Variants in OTUD7A observed in about 807,000 individuals in gnomAD.
The protein encoded by OTUD7A is OTU domain-containing protein 7A.
A neutral mutation model predicts 65.7 loss-of-function variants in OTUD7A; 12 were observed. That is an observed-to-expected ratio of 0.18 (90% confidence interval 0.12 to 0.30). OTUD7A has a LOEUF of 0.30. OTUD7A is among the 10% of genes least tolerant of loss of function. The pLI is 1.00. For synonymous variants in OTUD7A, 641 were observed against 586.3 expected (o/e 1.09, Z -1.35); for missense variants, 1,148 against 1,304.8 (o/e 0.88, Z 1.85).
intron 1 of OTUD7A, among the ~76,000 whole-genome samples, chr15:31,856,180 G>A (rs1359258610): frequency 6.6e-6 from 1 of 152,180 alleles, no homozygotes; most frequent in Non-Finnish European, 1.5e-5. Flanking sequence ...AAAATAGCAT[G>A]TATTGTAGAC....
intron 3 of OTUD7A, among the ~76,000 whole-genome samples, chr15:31,585,639 G>C (rs1228953452): frequency 6.6e-6 from 1 of 152,190 alleles, no homozygotes; most frequent in Non-Finnish European, 1.5e-5. Context: ...TCCAGCTGGG[G>C]TGCAAGCCTC....
At chr15:31,722,627 G>T (rs1893772057) in intron 1 of OTUD7A, among the ~76,000 whole-genome samples, 1 of 152,344 alleles carries the variant, frequency 6.6e-6, no homozygotes, top group East Asian at 1.9e-4. Context: ...TGGAATGCAG[G>T]CAGGACCACT....
At chr15:31,676,760 C>T (rs1043372820) in intron 1 of OTUD7A, among the ~76,000 whole-genome samples, 1 of 152,170 alleles carries the variant, frequency 6.6e-6, no homozygotes, top group Non-Finnish European at 1.5e-5. Flanking sequence ...TTCTGAAAAA[C>T]CTGTGGGAAA....
At chr15:31,533,152 G>A (rs73372523) in intron 5 of OTUD7A, among the ~76,000 whole-genome samples, 4,778 of 151,550 alleles carry the variant, frequency 0.032, 247 homozygotes, top group African/African-American at 0.11. Flanking sequence ...GAGAAACAAC[G>A]CCTTACTTAT....
At chr15:31,738,563 G>A (rs1035194467) in intron 1 of OTUD7A, among the ~76,000 whole-genome samples, 2 of 152,112 alleles carry the variant, frequency 1.3e-5, no homozygotes, top group African/African-American at 2.4e-5. Context: ...GACAACCCAG[G>A]AGGATTATCT....
At chr15:31,645,499 C>T (rs1219720180) in intron 3 of OTUD7A, among the ~76,000 whole-genome samples, 1 of 152,168 alleles carries the variant, frequency 6.6e-6, no homozygotes, top group African/African-American at 2.4e-5. Context: ...CTCTCCCACC[C>T]ATTCGCCTGT....
intron 1 of OTUD7A, among the ~76,000 whole-genome samples, chr15:31,697,224 C>T (rs2141324072): frequency 1.0e-5 from 1 of 99,636 alleles, no homozygotes; most frequent in Middle Eastern, 5.7e-3. Flanking sequence ...CTCCTCCCCT[C>T]CACCTGCCTC....
At chr15:31,751,153 T>C (rs2141384303) in intron 1 of OTUD7A, among the ~76,000 whole-genome samples, 1 of 150,040 alleles carries the variant, frequency 6.7e-6, no homozygotes, top group East Asian at 2.0e-4. Context: ...TGGCAGAAAA[T>C]ATTCACAAAC....
chr15:31,648,824 G>A (rs1322524960), intron 3 of OTUD7A, among the ~76,000 whole-genome samples: 4 of 152,094 alleles, frequency 2.6e-5, no homozygotes, highest in Non-Finnish European at 4.4e-5. Flanking sequence ...GTAATGGTGC[G>A]ATCTCAGCTC....
chr15:31,503,544 G>A (rs916333623), intron 9 of OTUD7A, 147 bp downstream of exon 9: 7 of 1,114,190 alleles, frequency 6.3e-6, no homozygotes, highest in Non-Finnish European at 9.1e-6. Context: ...CATCAGGGAG[G>A]AGAAAGAAAC....
intron 1 of OTUD7A, among the ~76,000 whole-genome samples, chr15:31,696,802 C>A (rs2141323742): frequency 6.6e-6 from 1 of 151,522 alleles, no homozygotes; most frequent in Non-Finnish European, 1.5e-5. Context: ...TAGGTGTCTG[C>A]AGCCTTTCAG....
In OTUD7A at chr15:31,498,554, T is replaced by A. The variant is rs913120607; in HGVS notation, c.1171+3136A>T. Among the ~76,000 whole-genome samples the A allele has an allele frequency of 5.3e-5, 8 of 152,214 alleles. No homozygotes were observed. The highest frequency in any genetic ancestry group is 1.9e-4 in the African/African-American group (8 of 41,442). ...TCCTGTTAATTGATTTGATTTTTCA[T>A]AATGTACACATTTGCTCAGTGGCCA... On this transcript the variant is annotated intron_variant, in intron 10 of 12. Transcript: ENST00000307050. The surrounding 1 kb of genome is among the most constrained non-coding windows in gnomAD (Gnocchi z 4.2).
rs2041200173 is a variant in OTUD7A, at chr15:31,484,375, G to A, written c.1721C>T (p.Ser574Leu). The change falls in exon 13 of 13, where the codon TCG becomes TTG. Residue 574 changes from serine to leucine, a missense_variant. Ser to Leu is a moderately radical substitution (Grantham distance 145). This residue lies in a region of OTUD7A where 842 missense variants were observed against 769.5 expected (regional missense o/e 1.09). Coordinates refer to ENST00000307050, the MANE Select transcript of OTUD7A (RefSeq NM_001382637.1). This position sits in a 1 kb window ranked among gnomAD's most constrained non-coding sequence, Gnocchi z 4.5. The part of the protein sequence containing the change: ...AERGKEKKAK[S>L]RKGSKEESGA... The stretch of plus-strand genomic sequence containing the variant: ...AGACTCCTCCTTGCTGCCCTTGCGC[G>A]ACTTGGCCTTCTTCTCCTTGCCCCG... 1 of 1,601,168 alleles carries A rather than the reference G, an allele frequency of 6.2e-7. No homozygotes were observed. The highest frequency in any genetic ancestry group is 1.7e-5 in the Admixed American group (1 of 59,998).
intron 1 of OTUD7A, among the ~76,000 whole-genome samples, chr15:31,796,142 C>T (rs200706614): frequency 5.4e-5 from 8 of 148,134 alleles, no homozygotes; most frequent in Non-Finnish European, 8.9e-5. Context: ...GTAAGGGGTG[C>T]GTGTGTGTGT....
chr15:31,750,181 G>T (rs529877667), intron 1 of OTUD7A, among the ~76,000 whole-genome samples: 17 of 152,264 alleles, frequency 1.1e-4, no homozygotes, highest in African/African-American at 3.6e-4. Flanking sequence ...GCTGAGGCGG[G>T]TGGATCACTT....
chr15:31,600,299 A>G (rs1052060970), intron 3 of OTUD7A, among the ~76,000 whole-genome samples: 2 of 152,234 alleles, frequency 1.3e-5, no homozygotes, highest in Non-Finnish European at 2.9e-5. Context: ...TCAGACTAAC[A>G]GTGGATCTTT....
At chr15:31,589,682 C>A (rs978942912) in intron 3 of OTUD7A, among the ~76,000 whole-genome samples, 1 of 151,988 alleles carries the variant, frequency 6.6e-6, no homozygotes, top group Non-Finnish European at 1.5e-5. Flanking sequence ...AAATGCCTGG[C>A]GGATGTGATT....
intron 3 of OTUD7A, among the ~76,000 whole-genome samples, chr15:31,610,613 A>ATTTTTTTTT (rs1228282525): frequency 1.3e-4 from 4 of 31,650 alleles, no homozygotes; most frequent in African/African-American, 4.4e-4. Context: ...ATATATATAT[A>ATTTTTTTTT]TATATTTTTT....
At chr15:31,826,718 A>T (rs996877326) in intron 1 of OTUD7A, among the ~76,000 whole-genome samples, 7 of 152,218 alleles carry the variant, frequency 4.6e-5, no homozygotes, top group Non-Finnish European at 1.0e-4. Flanking sequence ...TCCCTTTTAA[A>T]ACTGAATGCT....
Sources: gnomAD v4.1 joint callset for allele counts (sites outside exome capture counted in the v4.1 genomes callset) on GRCh38, gnomAD v4.1.1 for gene constraint, gnomAD v4.1.1 regional missense constraint, Gnocchi (gnomAD v3.1) non-coding constraint, MANE v1.5 for transcripts, NCBI Gene and HGNC (gene_info 2026-07-23, HGNC 2026-07-21) for gene names.